DPP10: variants seen among roughly 807,000 people sequenced by gnomAD.
The protein encoded by DPP10 is inactive dipeptidyl peptidase 10.
Under a neutral mutation model 120.9 loss-of-function variants are expected in DPP10, and 33 were observed. The ratio of observed to expected loss-of-function variants is 0.27; its 90% CI spans 0.21 to 0.37. The LOEUF (loss-of-function observed/expected upper bound fraction) is 0.37, where lower values mean the gene tolerates loss of function less well. Ranked by LOEUF, DPP10 falls within the 10% of genes least tolerant of loss-of-function variation. The pLI, the probability that DPP10 is intolerant of heterozygous loss-of-function variation, is 1.00. For synonymous variants in DPP10, 337 were observed against 326.1 expected (o/e 1.03, Z -0.36); for missense variants, 816 against 942.8 (o/e 0.87, Z 1.76).
In DPP10 at chr2:115,421,967, G is replaced by A. The variant is rs560159607; in HGVS notation, c.272-77543G>A. Among the ~76,000 whole-genome samples, 11 of 144,298 alleles carry A rather than the reference G, an allele frequency of 7.6e-5. No homozygotes were observed. The South Asian group carries it at 2.4e-3, about 32-fold the overall frequency. The allele number at this position is 144,298 out of a possible 152,430, so 94.7% of individuals were successfully genotyped here. A position where few individuals can be genotyped will look rare whatever the true frequency, so the allele number is the denominator to read the frequency against. On this transcript the variant is annotated intron_variant, in intron 3 of 25. Coordinates refer to ENST00000410059, the MANE Select transcript of DPP10 (RefSeq NM_020868.6). Reference sequence around the variant, plus strand: ...CTTCTGTCTCTAAACAAGTTTAAAAGCAGCACCCCCACCTCTCAAATGCCC... The same window carrying A: ...CTTCTGTCTCTAAACAAGTTTAAAAACAGCACCCCCACCTCTCAAATGCCC...
chr2:115,063,379 C>T (rs769418150), intron 1 of DPP10, among the ~76,000 whole-genome samples: 1 of 152,114 alleles, frequency 6.6e-6, no homozygotes, highest in Non-Finnish European at 1.5e-5. Context: ...TGTGCAGAAG[C>T]TCTTTAGTTT....
intron 3 of DPP10, among the ~76,000 whole-genome samples, chr2:115,399,442 GA>G (rs1286678334): frequency 6.6e-6 from 1 of 151,946 alleles, no homozygotes; most frequent in African/African-American, 2.4e-5. Flanking sequence ...TAAACTATTT[GA>G]ATAATTTCAA....
At chr2:115,110,595 T>C (rs2049166332) in intron 1 of DPP10, among the ~76,000 whole-genome samples, 1 of 152,064 alleles carries the variant, frequency 6.6e-6, no homozygotes, top group South Asian at 2.1e-4. Context: ...TTAAGTTATA[T>C]TTTAAATTAG....
At position 115,524,893 on chromosome 2, in the gene DPP10, A is replaced by G. The variant is rs775594516; in HGVS notation, c.367-1005A>G. On this transcript the variant is annotated intron_variant, in intron 4 of 25. Transcript: ENST00000410059. ...AAAGACCAAATATATATTTTATTAT[A>G]CCACCCAAACTTGCCAAATATTGAT... 4.6e-5 allele frequency among the ~76,000 whole-genome samples: 7 copies of G among 152,250 alleles called. No individual in the cohort carries two copies. In the East Asian group the frequency reaches 1.4e-3, roughly 29 times the overall value.
At chr2:114,760,919 CAA>C (rs1457059568) in intron 1 of DPP10, among the ~76,000 whole-genome samples, 2 of 151,990 alleles carry the variant, frequency 1.3e-5, no homozygotes, top group Non-Finnish European at 2.9e-5. Flanking sequence ...TATTTAGAAA[CAA>C]AAAGGATAGC....
chr2:114,521,804 GTTTTTTT>G (rs758908081), intron 1 of DPP10, among the ~76,000 whole-genome samples: 2 of 112,756 alleles, frequency 1.8e-5, no homozygotes, highest in African/African-American at 6.9e-5. Context: ...ATTATCCAAG[GTTTTTTT>G]TTTTTTTTTT....
chr2:114,592,534 T>C (rs1029519143), intron 1 of DPP10, among the ~76,000 whole-genome samples: 15 of 152,110 alleles, frequency 9.9e-5, no homozygotes, highest in African/African-American at 3.1e-4. Flanking sequence ...TGGGATTTCA[T>C]GAGGAATATG....
At chr2:115,795,039 C>T (rs1684392593) in intron 19 of DPP10, among the ~76,000 whole-genome samples, 1 of 152,096 alleles carries the variant, frequency 6.6e-6, no homozygotes, top group Non-Finnish European at 1.5e-5. Context: ...TACTGACTAT[C>T]CTGTAATTAC....
chr2:115,788,853 A>G (rs757408839), intron 17 of DPP10, among the ~76,000 whole-genome samples: 4 of 152,186 alleles, frequency 2.6e-5, no homozygotes, highest in Admixed American at 6.5e-5. Context: ...GCGGTGGCTC[A>G]CGCCTGTAAT....
chr2:115,445,232 G>A (rs1050930565), intron 3 of DPP10, among the ~76,000 whole-genome samples: 4 of 152,144 alleles, frequency 2.6e-5, no homozygotes, highest in African/African-American at 4.8e-5. Context: ...TCTTGGGTAT[G>A]TCTTTATAGG....
intron 5 of DPP10, among the ~76,000 whole-genome samples, chr2:115,624,031 G>A (rs2085178056): frequency 6.6e-6 from 1 of 151,762 alleles, no homozygotes; most frequent in South Asian, 2.1e-4. Flanking sequence ...TGTTAGGCCT[G>A]TAAATTAGTT....
At chr2:115,434,629 A>G (rs1197550749) in intron 3 of DPP10, among the ~76,000 whole-genome samples, 5 of 151,760 alleles carry the variant, frequency 3.3e-5, no homozygotes, top group African/African-American at 1.2e-4. Flanking sequence ...TAATGCTCCA[A>G]TTAGAGTAAT....
intron 1 of DPP10, among the ~76,000 whole-genome samples, chr2:114,643,470 CT>C (rs1695868243): frequency 6.6e-6 from 1 of 151,832 alleles, no homozygotes; most frequent in African/African-American, 2.4e-5. Flanking sequence ...TACTGACAAG[CT>C]TTTTATTTAT....
At chr2:114,796,605 A>G (rs1683740374) in intron 1 of DPP10, among the ~76,000 whole-genome samples, 1 of 152,138 alleles carries the variant, frequency 6.6e-6, no homozygotes, top group Non-Finnish European at 1.5e-5. Flanking sequence ...TTGACTGTGC[A>G]GGAAGGGCTG....
chr2:114,809,050 A>G (rs1684973419), intron 1 of DPP10, among the ~76,000 whole-genome samples: 1 of 152,200 alleles, frequency 6.6e-6, no homozygotes, highest in Non-Finnish European at 1.5e-5. Flanking sequence ...TAATTGAGTA[A>G]ACTTACCTAG....
chr2:114,452,391 A>G (rs770928650), intron 1 of DPP10, among the ~76,000 whole-genome samples: 2 of 152,130 alleles, frequency 1.3e-5, no homozygotes, highest in South Asian at 4.1e-4. Context: ...GGCTCACACC[A>G]TTTTCCAGAA....
At chr2:114,778,609 G>A (rs113090914) in intron 1 of DPP10, among the ~76,000 whole-genome samples, 21 of 152,114 alleles carry the variant, frequency 1.4e-4, no homozygotes, top group African/African-American at 4.6e-4. Flanking sequence ...CACTGACTCC[G>A]TTAATCTGAC....
At chr2:115,648,514 T>G (rs1432903342) in intron 5 of DPP10, among the ~76,000 whole-genome samples, 1 of 151,774 alleles carries the variant, frequency 6.6e-6, no homozygotes, top group Non-Finnish European at 1.5e-5. Flanking sequence ...AATAATCATC[T>G]CTTACCCAGG....
At chr2:115,570,708 A>C (rs2081288091) in intron 5 of DPP10, among the ~76,000 whole-genome samples, 2 of 152,226 alleles carry the variant, frequency 1.3e-5, no homozygotes, top group Non-Finnish European at 2.9e-5. Context: ...TATTTTGTTA[A>C]AAGAACATAC....
Sources: gnomAD v4.1 joint callset for allele counts (sites outside exome capture counted in the v4.1 genomes callset) on GRCh38, gnomAD v4.1.1 for gene constraint, MANE v1.5 for transcripts, NCBI Gene and HGNC (gene_info 2026-07-23, HGNC 2026-07-21) for gene names.